The following NXPE3 variants were observed in gnomAD, a reference collection of about 807,000 sequenced individuals.
The protein encoded by NXPE3 is neurexophilin and PC-esterase domain family member 3.
NXPE3 carries 26 observed loss-of-function variants against 46.1 expected under a neutral mutation model. The observed-to-expected ratio is 0.56, with a 90% CI of 0.41 to 0.78. The LOEUF (loss-of-function observed/expected upper bound fraction) is 0.78. Ranked by LOEUF, NXPE3 falls within the 30% of genes least tolerant of loss-of-function variation. The pLI is 0.00. For synonymous variants in NXPE3, 272 were observed against 257.9 expected (o/e 1.05, Z -0.52); for missense variants, 620 against 686.0 (o/e 0.90, Z 1.07).
chr3:101,801,224 T>G lies in NXPE3; in HGVS notation c.94-11T>G. The G allele has an allele frequency of 3.8e-6, 6 of 1,590,348 alleles. No homozygotes were observed. The highest frequency in any genetic ancestry group is 1.1e-5 in the South Asian group (1 of 87,382). ...AGTGGTAATTTCTGTTGTTTGTGTC[T>G]TCTTCTTCAGTACTTGGACCATGAG... is the stretch of plus-strand genomic sequence containing the variant. On this transcript the variant is annotated splice_polypyrimidine_tract_variant and intron_variant, in intron 4 of 7. Transcript: ENST00000273347.
intron 4 of NXPE3, among the ~76,000 whole-genome samples, chr3:101,794,933 T>C (rs1392579801): frequency 6.6e-6 from 1 of 152,222 alleles, no homozygotes; most frequent in Non-Finnish European, 1.5e-5. Context: ...TAAACAGTTG[T>C]GATATTGAAA....
In NXPE3 at chr3:101,827,740, G is replaced by T. The variant is rs756222880; in HGVS notation, c.*5786G>T. Among the ~76,000 whole-genome samples, 1 of 152,098 alleles carries T rather than the reference G, an allele frequency of 6.6e-6. No homozygotes were observed. The highest frequency in any genetic ancestry group is 1.5e-5 in the Non-Finnish European group (1 of 68,020). Reference sequence around the variant, plus strand: ...AGCCGGCCCTCGAGGGGAATGTCCGGGACTCGGGTCGGTACCTTTTTGGTC... The same window carrying T: ...AGCCGGCCCTCGAGGGGAATGTCCGTGACTCGGGTCGGTACCTTTTTGGTC... On this transcript the variant is annotated 3_prime_UTR_variant, in exon 8 of 8. Transcript: ENST00000273347.
chr3:101,812,540 G>A (rs565350761), intron 6 of NXPE3, among the ~76,000 whole-genome samples: 2 of 151,958 alleles, frequency 1.3e-5, no homozygotes, highest in South Asian at 2.1e-4. Flanking sequence ...ACGGCCGGGC[G>A]CAGTGGCTCA....
chr3:101,792,223 T>C (rs995069582), intron 4 of NXPE3, among the ~76,000 whole-genome samples: 32 of 152,238 alleles, frequency 2.1e-4, no homozygotes, highest in Non-Finnish European at 3.4e-4. Context: ...GTCTGTTTAC[T>C]CTATTGATAG....
At position 101,821,856 on chromosome 3, in the gene NXPE3, C is replaced by T. The variant is rs981035646; in HGVS notation, c.1582C>T (p.Leu528=). ...TCTCGTCGATGCCTGGGAGATGACCCTGGCCCATTATCTACCGCACAAGCT... is the reference window on the plus strand; with the variant it reads ...TCTCGTCGATGCCTGGGAGATGACCTTGGCCCATTATCTACCGCACAAGCT... ...VYLVDAWEMT[L]AHYLPHKLHP... Residue 528 remains leucine, a synonymous_variant, in exon 8 of 8, where the codon CTG becomes TTG. Transcript: ENST00000273347. The T allele has an allele frequency of 1.9e-6, 3 of 1,614,172 alleles. No homozygotes were observed. Among genetic ancestry groups the T allele is most frequent in the South Asian group, 2.2e-5 (2 of 91,080 alleles).
chr3:101,807,521 G>A (rs1315751850), intron 6 of NXPE3, among the ~76,000 whole-genome samples: 1 of 151,274 alleles, frequency 6.6e-6, no homozygotes, highest in East Asian at 1.9e-4. Flanking sequence ...ACAAATTTTT[G>A]CCATGTTGCC....
intron 4 of NXPE3, among the ~76,000 whole-genome samples, chr3:101,798,183 G>A (rs1381580966): frequency 6.6e-6 from 1 of 151,918 alleles, no homozygotes; most frequent in East Asian, 1.9e-4. Context: ...CAGTGATGAT[G>A]AGCATTTTTT....
At chr3:101,811,578 T>G (rs960136926) in intron 6 of NXPE3, among the ~76,000 whole-genome samples, 2 of 152,146 alleles carry the variant, frequency 1.3e-5, no homozygotes, top group East Asian at 3.9e-4. Flanking sequence ...ATTTAAATGA[T>G]TTCTGAAGTC....
Position 101,801,623 on chromosome 3 carries a change from T to TG in NXPE3, c.484dup (p.Val162GlyfsTer21). The TG allele has an allele frequency of 1.2e-6, 2 of 1,614,144 alleles. No individual in the cohort carries two copies. Among genetic ancestry groups the TG allele is most frequent in the Non-Finnish European group, 1.7e-6 (2 of 1,180,020 alleles). ...CTGCAGGCTGGGGCTGTGGGCAGGG[T>TG]GGTGGATTACCAGAATGGGTTTTAC... On this transcript the variant is annotated frameshift_variant, in exon 5 of 8. Transcript: ENST00000273347. LOFTEE classifies it high-confidence loss of function.
rs1165894745 is a variant in NXPE3 at position 101,801,619 on chromosome 3, A to G, written c.478A>G (p.Arg160Gly). 1 of 1,614,236 alleles carries G rather than the reference A, an allele frequency of 6.2e-7. No individual in the cohort carries two copies. Among genetic ancestry groups the G allele is most frequent in the Admixed American group, 1.7e-5 (1 of 60,024 alleles). Residue 160 changes from arginine (R) to glycine (G), a missense_variant, in exon 5 of 8, where the codon AGG (arginine) becomes GGG (glycine). By Grantham distance (125) the Arg-to-Gly change is moderately radical (BLOSUM62 -2). Transcript: ENST00000273347. The part of the protein sequence containing the change: ...SLKLQAGAVG[R>G]VVDYQNGFYK... Reference sequence around the variant, plus strand: ...CAAGCTGCAGGCTGGGGCTGTGGGCAGGGTGGTGGATTACCAGAATGGGTT... The same window carrying G: ...CAAGCTGCAGGCTGGGGCTGTGGGCGGGGTGGTGGATTACCAGAATGGGTT...
rs1179427804 is a variant in NXPE3, at chr3:101,824,768, C to T, written c.*2814C>T. On this transcript the variant is annotated 3_prime_UTR_variant, in exon 8 of 8. Coordinates refer to ENST00000273347, the MANE Select transcript of NXPE3 (RefSeq NM_145037.4). ...GAGAGTTTTTCTTGTCGTGAAAGAA[C>T]TTGACATTTCCTCAAGGATTTATAA... 1 of 152,138 alleles carries T rather than the reference C, an allele frequency of 6.6e-6. No individual in the cohort carries two copies. The highest frequency in any genetic ancestry group is 1.5e-5 in the Non-Finnish European group (1 of 68,014). 9.4% of individuals were successfully genotyped at this position (152,138 alleles called of 1,614,324 possible). A position where few individuals can be genotyped will look rare whatever the true frequency, so the allele number is the denominator to read the frequency against.
intron 6 of NXPE3, 80 bp from the exon 7 acceptor site, chr3:101,816,715 G>C: frequency 9.4e-7 from 1 of 1,060,722 alleles, no homozygotes; most frequent in South Asian, 1.5e-5. Flanking sequence ...AAATACATGG[G>C]CATAATTGTT....
chr3:101,798,872 T>A (rs1940991120), intron 4 of NXPE3, among the ~76,000 whole-genome samples: 1 of 152,092 alleles, frequency 6.6e-6, no homozygotes, highest in Non-Finnish European at 1.5e-5. Flanking sequence ...TGTCCACCTC[T>A]GCCTCCCAAA....
At chr3:101,810,511 ATTATG>A (rs989616171) in intron 6 of NXPE3, among the ~76,000 whole-genome samples, 2 of 152,186 alleles carry the variant, frequency 1.3e-5, no homozygotes, top group Non-Finnish European at 2.9e-5. Flanking sequence ...CTATGATTTG[ATTATG>A]TTATATGACA....
At chr3:101,802,418 G>GGTTGC (rs1941215318) in intron 5 of NXPE3, among the ~76,000 whole-genome samples, 1 of 151,968 alleles carries the variant, frequency 6.6e-6, no homozygotes, top group Admixed American at 6.5e-5. Context: ...AGGAGTTTGA[G>GGTTGC]ACCAGCCTGG....
chr3:101,824,337 C>A lies in NXPE3; in HGVS notation c.*2383C>A, dbSNP rs1942397494. The A allele has an allele frequency of 6.6e-6, 1 of 152,154 alleles. No individual in the cohort carries two copies. The highest frequency in any genetic ancestry group is 1.5e-5 in the Non-Finnish European group (1 of 68,032). 9.4% of individuals were successfully genotyped at this position (152,154 alleles called of 1,614,324 possible). A position where few individuals can be genotyped will look rare whatever the true frequency, so the allele number is the denominator to read the frequency against. On this transcript the variant is annotated 3_prime_UTR_variant, in exon 8 of 8. Coordinates refer to ENST00000273347, the MANE Select transcript of NXPE3 (RefSeq NM_145037.4). Reference sequence around the variant, plus strand: ...GATCCAATAGTATTGGTGATATTAGCTCCATTTTATAGATGAGGAACTCAT... The same window carrying A: ...GATCCAATAGTATTGGTGATATTAGATCCATTTTATAGATGAGGAACTCAT...
At chr3:101,791,421 T>C (rs1940511117) in intron 4 of NXPE3, among the ~76,000 whole-genome samples, 1 of 152,238 alleles carries the variant, frequency 6.6e-6, no homozygotes, top group South Asian at 2.1e-4. Flanking sequence ...AGTCTTGCAC[T>C]GTCACCTGGG....
intron 7 of NXPE3, among the ~76,000 whole-genome samples, chr3:101,818,715 T>TTTTATA (rs1378317083): frequency 2.1e-4 from 8 of 38,046 alleles, no homozygotes; most frequent in African/African-American, 6.5e-4. Flanking sequence ...ATATGACAAT[T>TTTTATA]TATATATATA....
chr3:101,797,064 T>C (rs983518116), intron 4 of NXPE3, among the ~76,000 whole-genome samples: 4 of 152,200 alleles, frequency 2.6e-5, no homozygotes, highest in African/African-American at 9.7e-5. Context: ...ATAACTTTTT[T>C]CCTGCCCATT....
Sources: gnomAD v4.1 joint callset for allele counts (sites outside exome capture counted in the v4.1 genomes callset) on GRCh38, gnomAD v4.1.1 for gene constraint, MANE v1.5 for transcripts, NCBI Gene and HGNC (gene_info 2026-07-23, HGNC 2026-07-21) for gene names.